Variants in ITPR2 observed in about 807,000 individuals in gnomAD.
The protein encoded by ITPR2 is inositol 1,4,5-trisphosphate receptor type 2, also known as inositol 1,4,5-trisphosphate-gated calcium channel ITPR2.
A neutral mutation model predicts 317.1 loss-of-function variants in ITPR2; 207 were observed. The ratio of observed to expected loss-of-function variants is 0.65; its 90% CI spans 0.58 to 0.73. The LOEUF (loss-of-function observed/expected upper bound fraction) is 0.73, where lower values mean the gene tolerates loss of function less well. Ranked by LOEUF, ITPR2 falls within the 30% of genes least tolerant of loss-of-function variation. ITPR2 has a pLI of 0.00. For synonymous variants in ITPR2, 1,156 were observed against 1,149.1 expected (o/e 1.01, Z -0.12); for missense variants, 2,613 against 3,284.0 (o/e 0.80, Z 4.99).
intron 29 of ITPR2, among the ~76,000 whole-genome samples, chr12:26,599,771 T>C (rs562969251): frequency 1.3e-5 from 2 of 152,186 alleles, no homozygotes; most frequent in African/African-American, 4.8e-5. Flanking sequence ...ACGTATAAAA[T>C]ACATTGTCAT....
At chr12:26,631,579 T>C (rs1041930686) in intron 22 of ITPR2, among the ~76,000 whole-genome samples, 1 of 152,134 alleles carries the variant, frequency 6.6e-6, no homozygotes, top group Non-Finnish European at 1.5e-5. Flanking sequence ...TCAGGGACAA[T>C]ACTAATTTTT....
At chr12:26,545,505 T>C (rs1439685757) in intron 37 of ITPR2, among the ~76,000 whole-genome samples, 1 of 152,042 alleles carries the variant, frequency 6.6e-6, no homozygotes, top group African/African-American at 2.4e-5. Context: ...GGAAATGAAC[T>C]CTCCCCTAGA....
At chr12:26,752,922 C>T (rs1348149926) in intron 2 of ITPR2, among the ~76,000 whole-genome samples, 2 of 152,072 alleles carry the variant, frequency 1.3e-5, no homozygotes, top group Admixed American at 1.3e-4. Context: ...AACCCCCAAC[C>T]CAAAAGCTAA....
chr12:26,387,339 T>C, intron 55 of ITPR2, 95 bp downstream of exon 55: 1 of 1,185,070 alleles, frequency 8.4e-7, no homozygotes, highest in Admixed American at 2.1e-5. Context: ...AAATGATTGC[T>C]ACAATCTTCA....
intron 26 of ITPR2, among the ~76,000 whole-genome samples, chr12:26,613,997 T>C (rs1185042797): frequency 6.6e-6 from 1 of 152,156 alleles, no homozygotes; most frequent in African/African-American, 2.4e-5. Flanking sequence ...TTCCAAAGCA[T>C]GTGGGTTCAT....
chr12:26,772,148 A>G (rs1020910864), intron 2 of ITPR2, among the ~76,000 whole-genome samples: 23 of 151,794 alleles, frequency 1.5e-4, no homozygotes, highest in Admixed American at 1.5e-3. Flanking sequence ...TGTTTAAAGA[A>G]GAAATGCAAC....
intron 13 of ITPR2, among the ~76,000 whole-genome samples, chr12:26,674,739 T>C (rs1443681896): frequency 6.6e-6 from 1 of 152,052 alleles, no homozygotes; most frequent in East Asian, 1.9e-4. Context: ...CAAAAGAAAC[T>C]ACCATCAGAG....
rs746267205 is a variant in ITPR2, at chr12:26,475,366, T to A, written c.6272A>T (p.Asp2091Val). ...YNQGLECDHGDDEGGDDGVSP... is the reference protein window; with the variant it reads ...YNQGLECDHGVDEGGDDGVSP... ...AACACCATCATCTCCACCCTCATCA[T>A]CCCCATGGTCACATTCCAATCCTTG... The change falls in exon 45 of 57, where the codon GAT (aspartate) becomes GTT (valine). Residue 2091 changes from aspartate to valine, a missense_variant. By Grantham distance (152) the Asp-to-Val change is radical. Coordinates refer to ENST00000381340, the MANE Select transcript of ITPR2 (RefSeq NM_002223.4). 18 of 1,613,098 alleles carry A rather than the reference T, an allele frequency of 1.1e-5. No homozygotes were observed. The Admixed American group carries it at 3.0e-4, about 27-fold the overall frequency.
At chr12:26,782,037 T>TATATATAGAGAGAG (rs1950102369) in intron 2 of ITPR2, among the ~76,000 whole-genome samples, 1 of 51,736 alleles carries the variant, frequency 1.9e-5, no homozygotes, top group Admixed American at 2.5e-4. Context: ...TATATATGTA[T>TATATATAGAGAGAG]AGAGAGAGAG....
chr12:26,507,863 C>CTCTCTGTGTGTGTGTGTGTGTG (rs372756412), intron 37 of ITPR2, among the ~76,000 whole-genome samples: 8 of 132,282 alleles, frequency 6.0e-5, no homozygotes, highest in African/African-American at 1.9e-4. Context: ...CTCTCTGTCT[C>CTCTCTGTGTGTGTGTGTGTGTG]TGTGTGTGTG....
At chr12:26,476,848 C>A in intron 44 of ITPR2, 64 bp downstream of exon 44, 1 of 975,136 alleles carries the variant, frequency 1.0e-6, no homozygotes. Flanking sequence ...TTCTGACATG[C>A]ATTCTCTAAA....
At position 26,465,300 on chromosome 12, in the gene ITPR2, C is replaced by T. The variant is rs149038561; in HGVS notation, c.6342+9996G>A. Among the ~76,000 whole-genome samples, 1,388 of 152,018 alleles carry T rather than the reference C, an allele frequency of 9.1e-3. 16 individuals carry two copies. Among genetic ancestry groups the T allele is most frequent in the Middle Eastern group, 0.034 (10 of 294 alleles). On this transcript the variant is annotated intron_variant, in intron 45 of 56. Transcript: ENST00000381340. ...AATGTTAGTGACAGGACAAAAGATG[C>T]GGAATGGGGGCAACCTTTAGATTGG...
At chr12:26,832,461 T>C (rs542947514) in intron 1 of ITPR2, among the ~76,000 whole-genome samples, 11 of 152,370 alleles carry the variant, frequency 7.2e-5, no homozygotes, top group South Asian at 2.1e-4. Flanking sequence ...TTCTGATGTG[T>C]CTCTGAGCTT....
rs1942882512 is a variant in ITPR2, at chr12:26,494,288, A to C, written c.5235T>G (p.Ile1745Met). Reference protein sequence around the residue: ...SDKMGISMSDIQCLLDKEGAS... With the variant: ...SDKMGISMSDMQCLLDKEGAS... ...CACCTTCTTTATCCAGCAGACACTGAATGTCTGACATTGATATCCCCATCT... is the reference window on the plus strand; with the variant it reads ...CACCTTCTTTATCCAGCAGACACTGCATGTCTGACATTGATATCCCCATCT... Residue 1745 changes from isoleucine (I) to methionine (M), a missense_variant, in exon 39 of 57, where the codon ATT becomes ATG. Physicochemically the swap from Ile to Met is conservative, Grantham distance 10. Transcript: ENST00000381340. 6.2e-6 allele frequency: 10 copies of C among 1,612,956 alleles called. No homozygotes were observed. Among genetic ancestry groups the C allele is most frequent in the Non-Finnish European group, 8.5e-6 (10 of 1,179,642 alleles).
At chr12:26,641,009 T>C (rs1946971830) in intron 21 of ITPR2, among the ~76,000 whole-genome samples, 1 of 152,146 alleles carries the variant, frequency 6.6e-6, no homozygotes, top group African/African-American at 2.4e-5. Flanking sequence ...CTGGAGATGA[T>C]GAGAGCTAAA....
chr12:26,422,697 A>T (rs1033744510), intron 49 of ITPR2, among the ~76,000 whole-genome samples: 1 of 152,164 alleles, frequency 6.6e-6, no homozygotes, highest in Non-Finnish European at 1.5e-5. Context: ...TATTCATTTC[A>T]TCTTATTTGG....
chr12:26,644,298 G>A (rs1369327573), intron 21 of ITPR2, among the ~76,000 whole-genome samples: 1 of 152,172 alleles, frequency 6.6e-6, no homozygotes, highest in Non-Finnish European at 1.5e-5. Context: ...AGCTGTGGGG[G>A]AGTTGAGTGG....
chr12:26,506,039 A>C (rs1943174361), intron 37 of ITPR2, among the ~76,000 whole-genome samples: 1 of 151,752 alleles, frequency 6.6e-6, no homozygotes, highest in African/African-American at 2.4e-5. Flanking sequence ...AGTACTAAAA[A>C]TACAAGATGC....
chr12:26,659,122 C>T lies in ITPR2; in HGVS notation c.1877G>A (p.Arg626Gln), dbSNP rs199887130. ...ETFVSLLRRN[R>Q]EPRFLDYLSD... ...ATGAATCATTTCAAACCTTGGCTCC[C>T]GATTTCTCCTGAGTAAACTGACAAA... The change falls in exon 16 of 57, where the codon CGG becomes CAG. Residue 626 changes from arginine to glutamine, a missense_variant. Transcript: ENST00000381340. 18 of 1,611,302 alleles carry T rather than the reference C, an allele frequency of 1.1e-5. No individual in the cohort carries two copies. The highest frequency in any genetic ancestry group is 9.4e-5 in the African/African-American group (7 of 74,802).
Sources: allele counts gnomAD v4.1 joint callset (sites outside exome capture counted in the v4.1 genomes callset), GRCh38; gene constraint gnomAD v4.1.1; transcripts MANE v1.5; gene names NCBI Gene and HGNC (gene_info 2026-07-23, HGNC 2026-07-21).